CHST15: variants seen among roughly 807,000 people sequenced by gnomAD.
CHST15 encodes the protein B cell RAG associated protein (GALNAC4S-6ST).
Under a neutral mutation model 53.6 loss-of-function variants are expected in CHST15, and 30 were observed. The observed-to-expected ratio is 0.56, with a 90% CI of 0.42 to 0.76. The LOEUF is 0.76. Among genes scored for constraint, CHST15 ranks in the 30% least tolerant of loss-of-function variants. The pLI is 0.00. For missense variants in CHST15, 627 were observed against 740.5 expected, an observed-to-expected ratio of 0.85 and a Z score of 1.78; for synonymous variants, 296 against 289.8, an observed-to-expected ratio of 1.02 and a Z score of -0.22.
rs973923706 is a variant in CHST15, at chr10:124,012,250, G to A, written c.1495+83C>T. On this transcript the variant is annotated intron_variant, in intron 7 of 7. Transcript: ENST00000435907. ...AGCCCATTCCCACCCAGCTGACCAG[G>A]TCTGCATTTGCCCCAGAGGACTCCC... 38 of 1,501,766 alleles carry A rather than the reference G, an allele frequency of 2.5e-5. No homozygotes were observed. In the African/African-American group the frequency reaches 5.1e-4, roughly 20 times the overall value. 93.0% of individuals were successfully genotyped at this position (1,501,766 alleles called of 1,614,324 possible). A position where few individuals can be genotyped will look rare whatever the true frequency, so the allele number is the denominator to read the frequency against.
chr10:124,088,287 G>A (rs916946620), intron 1 of CHST15, among the ~76,000 whole-genome samples: 4 of 152,344 alleles, frequency 2.6e-5, no homozygotes, highest in Admixed American at 6.5e-5. Context: ...TGTCAACGGC[G>A]TTACATAACT....
At chr10:124,071,563 C>A (rs561033287) in intron 1 of CHST15, among the ~76,000 whole-genome samples, 1 of 152,262 alleles carries the variant, frequency 6.6e-6, no homozygotes, top group African/African-American at 2.4e-5. Flanking sequence ...CTCGAATAGA[C>A]GCAAAATAAC....
chr10:124,021,160 GAAACGC>G, intron 6 of CHST15, 90 bp downstream of exon 6: 2 of 1,444,012 alleles, frequency 1.4e-6, no homozygotes, highest in Non-Finnish European at 1.8e-6. Context: ...TTCCTATGCT[GAAACGC>G]AAACCCACAA....
intron 1 of CHST15, among the ~76,000 whole-genome samples, chr10:124,065,948 C>G (rs1179983264): frequency 6.6e-6 from 1 of 152,158 alleles, no homozygotes; most frequent in East Asian, 1.9e-4. Flanking sequence ...CCTTTTGGAT[C>G]ATTTGCATTC....
At chr10:124,093,238 T>G (rs1051178221) in intron 1 of CHST15, among the ~76,000 whole-genome samples, 6 of 151,052 alleles carry the variant, frequency 4.0e-5, no homozygotes, top group Non-Finnish European at 8.8e-5. Flanking sequence ...GTTCATTGTC[T>G]GCCTGGGCCG....
intron 1 of CHST15, among the ~76,000 whole-genome samples, chr10:124,078,324 ACTC>A (rs1170100390): frequency 6.6e-6 from 1 of 151,954 alleles, no homozygotes; most frequent in Non-Finnish European, 1.5e-5. Flanking sequence ...GGCAGGGTGA[ACTC>A]CTCTGAACTC....
chr10:124,021,401 T>A lies in CHST15; in HGVS notation c.1202A>T (p.Asp401Val). The change falls in exon 6 of 8, where the codon GAC becomes GTC. Residue 401 changes from aspartate to valine, a missense_variant. Around this residue, in one of 3 missense-constraint regions of CHST15, gnomAD observed 279 missense variants for 371.6 expected, o/e 0.75. Coordinates refer to ENST00000435907, the MANE Select transcript of CHST15 (RefSeq NM_001270764.2). ...ATTCGAACTTGCAAAGTAGAGATAG[T>A]CTGAGTACAACCTGTGAATAAAATA... ...LRDPVERLYS[D>V]YLYFASSNKS... is the part of the protein sequence containing the mutation. 1.2e-6 allele frequency: 2 copies of A among 1,612,796 alleles called. No homozygotes were observed. Among genetic ancestry groups the A allele is most frequent in the Non-Finnish European group, 1.7e-6 (2 of 1,178,890 alleles).
chr10:124,031,795 C>A (rs913418094), intron 5 of CHST15, among the ~76,000 whole-genome samples: 1 of 152,196 alleles, frequency 6.6e-6, no homozygotes, highest in South Asian at 2.1e-4. Flanking sequence ...GTAGGACTAT[C>A]TTCCCCCATT....
At chr10:124,043,595 T>C (rs1204339149) in intron 3 of CHST15, among the ~76,000 whole-genome samples, 1 of 152,160 alleles carries the variant, frequency 6.6e-6, no homozygotes, top group Non-Finnish European at 1.5e-5. Context: ...TCAGCTCCAG[T>C]GACCAAACCT....
chr10:124,037,345 A>G (rs1037159637), intron 5 of CHST15, among the ~76,000 whole-genome samples: 26 of 152,166 alleles, frequency 1.7e-4, no homozygotes, highest in Admixed American at 5.9e-4. Flanking sequence ...GTCTTTAAAT[A>G]TCGCCAGCCT....
rs772773156 is a variant in CHST15, at chr10:124,042,406, C to G, written c.928G>C (p.Val310Leu). The G allele has an allele frequency of 6.2e-7, 1 of 1,614,206 alleles. No individual in the cohort carries two copies. Among genetic ancestry groups the G allele is most frequent in the Non-Finnish European group, 8.5e-7 (1 of 1,180,030 alleles). ...TCAAAGAGGTCCAGATAATCTTCCA[C>G]GGGATAGCGGTCTCGCAGCCCATCT... ...LRDGLRDRYP[V>L]EDYLDLFDLA... The change falls in exon 4 of 8, where the codon GTG becomes CTG. Residue 310 changes from valine to leucine, a missense_variant. This residue lies in a region of CHST15 where 279 missense variants were observed against 371.6 expected (regional missense o/e 0.75). Transcript: ENST00000435907.
intron 1 of CHST15, among the ~76,000 whole-genome samples, chr10:124,077,521 A>C (rs1195262724): frequency 6.6e-6 from 1 of 152,168 alleles, no homozygotes; most frequent in African/African-American, 2.4e-5. Flanking sequence ...AGCCCCTTTA[A>C]ATGGGAAAAT....
At chr10:124,083,536 G>C (rs916170329) in intron 1 of CHST15, among the ~76,000 whole-genome samples, 4 of 152,088 alleles carry the variant, frequency 2.6e-5, no homozygotes, top group African/African-American at 9.7e-5. Context: ...TTCTGAGGAG[G>C]AGCTCACAGT....
intron 1 of CHST15, among the ~76,000 whole-genome samples, chr10:124,091,552 G>T (rs571489055): frequency 6.6e-6 from 1 of 152,204 alleles, no homozygotes; most frequent in African/African-American, 2.4e-5. Context: ...CTGATAAAGA[G>T]GGGCTGGGGG....
rs202094516 is a variant in CHST15 at position 124,038,108 on chromosome 10, AT to A, written c.1190+406del. 2.2e-3 allele frequency among the ~76,000 whole-genome samples: 291 copies of A among 132,380 alleles called. 1 individual carries two copies. The highest frequency in any genetic ancestry group is 6.4e-3 in the African/African-American group (230 of 36,100). 86.8% of individuals were successfully genotyped at this position (132,380 alleles called of 152,430 possible). ...GTTTATTTTTGTTTGTTTTTATTTT[AT>A]TTTATTTTTTTTTTTGAGATGGAGT... is the stretch of plus-strand genomic sequence containing the variant. On this transcript the variant is annotated intron_variant, in intron 5 of 7. Coordinates refer to ENST00000435907, the MANE Select transcript of CHST15 (RefSeq NM_001270764.2).
At chr10:124,066,841 G>C (rs1948764514) in intron 1 of CHST15, among the ~76,000 whole-genome samples, 1 of 152,212 alleles carries the variant, frequency 6.6e-6, no homozygotes, top group African/African-American at 2.4e-5. Context: ...GTTCCCCTGA[G>C]CAACCAAGCC....
intron 5 of CHST15, among the ~76,000 whole-genome samples, chr10:124,035,022 C>G (rs187426708): frequency 1.5e-3 from 211 of 143,470 alleles, no homozygotes; most frequent in Non-Finnish European, 2.4e-3. Flanking sequence ...GGCTCTACCC[C>G]CTAACAGGGA....
At chr10:124,051,642 G>T (rs1052531259) in intron 1 of CHST15, among the ~76,000 whole-genome samples, 1 of 152,234 alleles carries the variant, frequency 6.6e-6, no homozygotes, top group Non-Finnish European at 1.5e-5. Context: ...GCTCAATTCT[G>T]AGCCTGATGG....
rs772773156 is a variant in CHST15, at chr10:124,042,406, C to A, written c.928G>T (p.Val310Leu). 1 of 1,614,088 alleles carries A rather than the reference C, an allele frequency of 6.2e-7. No individual in the cohort carries two copies. The highest frequency in any genetic ancestry group is 1.3e-5 in the African/African-American group (1 of 74,930). ...LRDGLRDRYP[V>L]EDYLDLFDLA... is the part of the protein sequence containing the mutation. The stretch of plus-strand genomic sequence containing the variant: ...TCAAAGAGGTCCAGATAATCTTCCA[C>A]GGGATAGCGGTCTCGCAGCCCATCT... Residue 310 changes from valine to leucine, a missense_variant, in exon 4 of 8, where the codon GTG (valine) becomes TTG (leucine). This residue lies in a region of CHST15 where 279 missense variants were observed against 371.6 expected (regional missense o/e 0.75). Transcript: ENST00000435907.
Sources: allele counts gnomAD v4.1 joint callset (sites outside exome capture counted in the v4.1 genomes callset), GRCh38; gene constraint gnomAD v4.1.1; regional missense constraint gnomAD v4.1.1; transcripts MANE v1.5; gene names NCBI Gene and HGNC (gene_info 2026-07-23, HGNC 2026-07-21).